Variants in ANO3 observed in about 807,000 individuals in gnomAD.
ANO3 encodes anoctamin-3.
In ANO3, 99 loss-of-function variants were observed where a neutral mutation model predicts 144.8. The ratio of observed to expected loss-of-function variants is 0.68; its 90% CI spans 0.58 to 0.81. The LOEUF (loss-of-function observed/expected upper bound fraction) is 0.81. Ranked by LOEUF, ANO3 falls within the 30% of genes least tolerant of loss-of-function variation. The pLI, the probability that ANO3 is intolerant of heterozygous loss-of-function variation, is 0.00. For synonymous variants in ANO3, 414 were observed against 392.6 expected (o/e 1.05, Z -0.64); for missense variants, 905 against 1,202.2 (o/e 0.75, Z 3.66).
At chr11:26,518,058 A>T (rs1315002200) in intron 6 of ANO3, among the ~76,000 whole-genome samples, 2 of 152,088 alleles carry the variant, frequency 1.3e-5, no homozygotes, top group East Asian at 1.9e-4. Flanking sequence ...TTCCTCAAGG[A>T]TCTTGGCAAA....
intron 13 of ANO3, among the ~76,000 whole-genome samples, chr11:26,555,186 A>G (rs910893364): frequency 1.2e-4 from 19 of 152,200 alleles, no homozygotes; most frequent in African/African-American, 4.3e-4. Context: ...GATGATAGAG[A>G]CTTAGAAACA....
At chr11:26,329,133 A>C (rs1854967525), upstream of ANO3, among the ~76,000 whole-genome samples, 1 of 152,154 alleles carries the variant, frequency 6.6e-6, no homozygotes, top group African/African-American at 2.4e-5. Context: ...AGCTTTCCTT[A>C]ATGAGGCTAC....
intron 1 of ANO3, among the ~76,000 whole-genome samples, chr11:26,347,088 T>C (rs1402207009): frequency 6.6e-6 from 1 of 152,200 alleles, no homozygotes; most frequent in Non-Finnish European, 1.5e-5. Flanking sequence ...TAATGTAAGA[T>C]GGTAGTTGCA....
chr11:26,492,655 A>G lies in ANO3; in HGVS notation c.433-15449A>G, dbSNP rs565658012. On this transcript the variant is annotated intron_variant, in intron 4 of 26. Coordinates refer to ENST00000256737, the MANE Select transcript of ANO3 (RefSeq NM_031418.4). Reference sequence around the variant, plus strand: ...TTAATTGCCCAATCATTTTTAGACTAATCAACTCATTTATCTTCATCGCTA... The same window carrying G: ...TTAATTGCCCAATCATTTTTAGACTGATCAACTCATTTATCTTCATCGCTA... Among the ~76,000 whole-genome samples, 5 of 152,336 alleles carry G rather than the reference A, an allele frequency of 3.3e-5. No individual in the cohort carries two copies. In the South Asian group the frequency reaches 1.0e-3, roughly 32 times the overall value.
At chr11:26,620,511 C>T (rs1174645246) in intron 17 of ANO3, among the ~76,000 whole-genome samples, 2 of 151,938 alleles carry the variant, frequency 1.3e-5, no homozygotes, top group East Asian at 3.9e-4. Context: ...AAAATTAAAA[C>T]TTTAATTCCA....
intron 4 of ANO3, among the ~76,000 whole-genome samples, chr11:26,469,409 T>C (rs962116568): frequency 1.3e-5 from 2 of 151,952 alleles, no homozygotes; most frequent in South Asian, 2.1e-4. Flanking sequence ...ATATTAATCA[T>C]TTAAAAACAT....
intron 1 of ANO3, among the ~76,000 whole-genome samples, chr11:26,270,187 C>T (rs901935493): frequency 6.6e-6 from 1 of 152,112 alleles, no homozygotes; most frequent in African/African-American, 2.4e-5. Flanking sequence ...GATTAGGAAC[C>T]CTGTTCTAGA....
intron 10 of ANO3, among the ~76,000 whole-genome samples, chr11:26,539,121 G>A (rs1447058845): frequency 1.8e-5 from 2 of 108,422 alleles, no homozygotes; most frequent in South Asian, 3.6e-4. Context: ...AAAATAAAGG[G>A]AACAAGAGAA....
intron 4 of ANO3, among the ~76,000 whole-genome samples, chr11:26,489,165 A>T (rs7112559): frequency 0.18 from 26,640 of 151,914 alleles, 2,577 homozygotes; most frequent in South Asian, 0.34. Flanking sequence ...TGCTGTGTGC[A>T]GCCTAGGGAC....
chr11:26,599,811 C>A, intron 17 of ANO3, 97 bp downstream of exon 17: 2 of 1,091,690 alleles, frequency 1.8e-6, no homozygotes, highest in Non-Finnish European at 2.5e-6. Context: ...TTACATGGAG[C>A]CAAAATAAGA....
At chr11:26,502,631 C>G (rs182001337) in intron 4 of ANO3, among the ~76,000 whole-genome samples, 1 of 152,230 alleles carries the variant, frequency 6.6e-6, no homozygotes, top group Admixed American at 6.5e-5. Context: ...ACCTATCAGG[C>G]TTCTTCTGGA....
At chr11:26,651,667 G>A (rs903832627) in intron 24 of ANO3, among the ~76,000 whole-genome samples, 3 of 151,554 alleles carry the variant, frequency 2.0e-5, no homozygotes, top group Admixed American at 2.0e-4. Context: ...AAATTTCTCA[G>A]CTTTAATTTC....
At chr11:26,581,746 G>A (rs925015958) in intron 14 of ANO3, among the ~76,000 whole-genome samples, 5 of 150,042 alleles carry the variant, frequency 3.3e-5, no homozygotes, top group African/African-American at 1.2e-4. Flanking sequence ...CCATTTCCTA[G>A]GTCATGAACA....
At chr11:26,564,447 G>T (rs887608698) in intron 14 of ANO3, among the ~76,000 whole-genome samples, 2 of 149,972 alleles carry the variant, frequency 1.3e-5, no homozygotes, top group African/African-American at 4.9e-5. Context: ...AAATTTCAAG[G>T]GGGGAAAATA....
chr11:26,491,129 T>C, intron 4 of ANO3, among the ~76,000 whole-genome samples: 1 of 152,216 alleles, frequency 6.6e-6, no homozygotes, highest in East Asian at 1.9e-4. Context: ...TAAATGTATC[T>C]ATTCTTGTAC....
Position 26,494,451 on chromosome 11 carries a change from C to T in ANO3, c.433-13653C>T, listed in dbSNP as rs142994185. Among the ~76,000 whole-genome samples the T allele has an allele frequency of 4.7e-3, 720 of 152,106 alleles. 14 individuals are homozygous for T. Among genetic ancestry groups the T allele is most frequent in the African/African-American group, 0.017 (706 of 41,504 alleles). On this transcript the variant is annotated intron_variant, in intron 4 of 26. Coordinates refer to ENST00000256737, the MANE Select transcript of ANO3 (RefSeq NM_031418.4). Reference sequence around the variant, plus strand: ...CTGAAACTTTATATGTGCACAGTAACGTGAGATAGGAAGTAGAAGTGAGTC... The same window carrying T: ...CTGAAACTTTATATGTGCACAGTAATGTGAGATAGGAAGTAGAAGTGAGTC...
intron 17 of ANO3, among the ~76,000 whole-genome samples, chr11:26,610,151 T>C (rs992350510): frequency 6.6e-6 from 1 of 152,204 alleles, no homozygotes; most frequent in East Asian, 1.9e-4. Flanking sequence ...CCTCAGGTGA[T>C]TCGCCTGCCT....
chr11:26,320,912 G>A (rs796390198), intron 1 of ANO3, among the ~76,000 whole-genome samples: 24 of 152,186 alleles, frequency 1.6e-4, no homozygotes, highest in African/African-American at 5.8e-4. Flanking sequence ...AGAAAACAAT[G>A]CATCTGTTTA....
chr11:26,369,021 C>A (rs1381085967), intron 1 of ANO3, among the ~76,000 whole-genome samples: 1 of 151,924 alleles, frequency 6.6e-6, no homozygotes, highest in Non-Finnish European at 1.5e-5. Flanking sequence ...TTCATTCCCC[C>A]CCAGCAGTTG....
Sources: gnomAD v4.1 joint callset for allele counts (sites outside exome capture counted in the v4.1 genomes callset) on GRCh38, gnomAD v4.1.1 for gene constraint, MANE v1.5 for transcripts, NCBI Gene and HGNC (gene_info 2026-07-23, HGNC 2026-07-21) for gene names.